The following ITGA8 variants were observed in gnomAD, a reference collection of about 807,000 sequenced individuals.
ITGA8 encodes integrin alpha-8.
A neutral mutation model predicts 142.3 loss-of-function variants in ITGA8; 91 were observed. The observed-to-expected ratio is 0.64, with a 90% CI of 0.54 to 0.76. The LOEUF is 0.76. ITGA8 is among the 30% of genes least tolerant of loss of function. ITGA8 has a pLI of 0.00. For synonymous variants in ITGA8, 505 were observed against 485.2 expected (o/e 1.04, Z -0.54); for missense variants, 1,406 against 1,327.7 (o/e 1.06, Z -0.92).
chr10:15,580,860 T>A (rs1834394648), intron 23 of ITGA8, among the ~76,000 whole-genome samples: 1 of 152,202 alleles, frequency 6.6e-6, no homozygotes, highest in South Asian at 2.1e-4. Flanking sequence ...CTTGTAAAAT[T>A]GAACAAGGCA....
intron 2 of ITGA8, among the ~76,000 whole-genome samples, chr10:15,701,905 A>G (rs555579912): frequency 1.3e-5 from 2 of 152,354 alleles, no homozygotes; most frequent in African/African-American, 4.8e-5. Flanking sequence ...TTTATGCTAT[A>G]AAAGTTTCTA....
intron 13 of ITGA8, among the ~76,000 whole-genome samples, chr10:15,639,338 T>C (rs1833828219): frequency 2.6e-5 from 4 of 152,142 alleles, no homozygotes; most frequent in Admixed American, 2.6e-4. Context: ...GACCTGGAAG[T>C]GAGCCGCCAA....
chr10:15,708,677 C>G (rs1445133779), intron 2 of ITGA8, among the ~76,000 whole-genome samples: 2 of 152,130 alleles, frequency 1.3e-5, no homozygotes, highest in Non-Finnish European at 2.9e-5. Context: ...GATACAATTT[C>G]GATAGGTGCA....
At chr10:15,715,961 C>A (rs1835442722) in intron 2 of ITGA8, among the ~76,000 whole-genome samples, 3 of 152,188 alleles carry the variant, frequency 2.0e-5, no homozygotes, top group Admixed American at 1.3e-4. Context: ...TCCCCACACC[C>A]ATTTTCAGGC....
chr10:15,586,048 G>GTTTT (rs1564362665), intron 23 of ITGA8, among the ~76,000 whole-genome samples: 6 of 120,532 alleles, frequency 5.0e-5, no homozygotes, highest in African/African-American at 2.0e-4. Flanking sequence ...GGAATAAAGT[G>GTTTT]ATTTTTTTTT....
chr10:15,605,434 A>G (rs180677485), intron 19 of ITGA8, among the ~76,000 whole-genome samples: 48 of 152,284 alleles, frequency 3.2e-4, no homozygotes, highest in African/African-American at 1.1e-3. Context: ...GCAAGTAAAC[A>G]TAACCCGAGC....
chr10:15,561,752 G>A lies in ITGA8; in HGVS notation c.2638-3550C>T, dbSNP rs377606842. ...AGAAAGCAATTGAGGATGGAAGAGA[G>A]ATGATTAGGGGCATGTGGAAGGGTG... On this transcript the variant is annotated intron_variant, in intron 25 of 29. Transcript: ENST00000378076. Among the ~76,000 whole-genome samples, 53 of 152,298 alleles carry A rather than the reference G, an allele frequency of 3.5e-4. No individual in the cohort carries two copies. In the South Asian group the frequency reaches 0.011, roughly 32 times the overall value.
At chr10:15,537,575 A>G (rs1833472975) in intron 27 of ITGA8, among the ~76,000 whole-genome samples, 2 of 152,204 alleles carry the variant, frequency 1.3e-5, no homozygotes, top group Admixed American at 6.5e-5. Flanking sequence ...CGAAGATGTA[A>G]CTTTCACTCA....
chr10:15,614,998 G>A lies in ITGA8; in HGVS notation c.1446-1231C>T, dbSNP rs1007732280. ...GATCAAGGGAAGGACAGAGGACTGG[G>A]TAAGAAAGTTCTGGCCTGGGCAATG... On this transcript the variant is annotated intron_variant, in intron 14 of 29. Transcript: ENST00000378076. Among the ~76,000 whole-genome samples, 68 of 152,176 alleles carry A rather than the reference G, an allele frequency of 4.5e-4. 3 individuals carry two copies. Among genetic ancestry groups the A allele is most frequent in the Non-Finnish European group, 1.5e-4 (10 of 68,036 alleles).
intron 27 of ITGA8, among the ~76,000 whole-genome samples, chr10:15,541,327 T>G (rs1253988282): frequency 1.3e-5 from 2 of 152,230 alleles, no homozygotes; most frequent in Non-Finnish European, 2.9e-5. Flanking sequence ...AGCCCCAATT[T>G]TGGGGTTCAC....
intron 18 of ITGA8, 25 bp from the exon 19 acceptor site, chr10:15,605,816 G>T: frequency 6.2e-7 from 1 of 1,604,004 alleles, no homozygotes; most frequent in South Asian, 1.1e-5. Flanking sequence ...CGCACGTCAG[G>T]AACAATCTAG....
At chr10:15,655,130 C>T (rs927893170) in intron 11 of ITGA8, among the ~76,000 whole-genome samples, 12 of 152,028 alleles carry the variant, frequency 7.9e-5, no homozygotes, top group African/African-American at 2.9e-4. Context: ...TAAAATAGTC[C>T]TCCTCTAGAA....
chr10:15,561,652 G>C (rs148384071), intron 25 of ITGA8, among the ~76,000 whole-genome samples: 2 of 152,066 alleles, frequency 1.3e-5, no homozygotes, highest in African/African-American at 4.8e-5. Flanking sequence ...TGAAGATACG[G>C]GAAATGGAGA....
intron 25 of ITGA8, among the ~76,000 whole-genome samples, chr10:15,565,573 A>ATGTTTTTTT (rs1834062847): frequency 2.9e-5 from 1 of 34,764 alleles, no homozygotes; most frequent in Non-Finnish European, 5.1e-5. Flanking sequence ...TCATGTCCTG[A>ATGTTTTTTT]TTTTTTTTTT....
At chr10:15,610,533 C>T (rs1439794436) in intron 15 of ITGA8, among the ~76,000 whole-genome samples, 3 of 152,082 alleles carry the variant, frequency 2.0e-5, no homozygotes, top group Admixed American at 6.5e-5. Flanking sequence ...ATCCAAGTCC[C>T]TTATTACATA....
At chr10:15,562,696 T>C (rs575771226) in intron 25 of ITGA8, among the ~76,000 whole-genome samples, 1 of 152,162 alleles carries the variant, frequency 6.6e-6, no homozygotes, top group South Asian at 2.1e-4. Context: ...GCTTGAGGTG[T>C]TGTTGACCAG....
At chr10:15,576,049 A>C (rs943808487) in intron 23 of ITGA8, among the ~76,000 whole-genome samples, 3 of 152,120 alleles carry the variant, frequency 2.0e-5, no homozygotes, top group Admixed American at 6.6e-5. Flanking sequence ...GATAAAAAAA[A>C]GTCTAGGATG....
chr10:15,588,344 T>C (rs548968326), intron 22 of ITGA8, among the ~76,000 whole-genome samples: 2 of 152,330 alleles, frequency 1.3e-5, no homozygotes, highest in East Asian at 3.9e-4. Context: ...TTTCCTGGAA[T>C]GGAGCATCGC....
chr10:15,616,677 A>G (rs1833398835), intron 13 of ITGA8, 118 bp from the exon 14 acceptor site: 1 of 804,566 alleles, frequency 1.2e-6, no homozygotes. Context: ...AGAGCCACAA[A>G]ATTAGAAGAG....
Sources: gnomAD v4.1 joint callset for allele counts (sites outside exome capture counted in the v4.1 genomes callset) on GRCh38, gnomAD v4.1.1 for gene constraint, MANE v1.5 for transcripts, NCBI Gene and HGNC (gene_info 2026-07-23, HGNC 2026-07-21) for gene names.